Variants in LRRTM3 observed in about 807,000 individuals in gnomAD.
LRRTM3 encodes leucine-rich repeat transmembrane neuronal protein 3.
A neutral mutation model predicts 44.7 loss-of-function variants in LRRTM3; 24 were observed. The ratio of observed to expected loss-of-function variants is 0.54; its 90% CI spans 0.39 to 0.76. The LOEUF is 0.76. LRRTM3 is among the 30% of genes least tolerant of loss of function. The probability of loss-of-function intolerance (pLI) is 0.00; values close to 1 mark genes in which losing one functional copy is unlikely to be tolerated. For synonymous variants in LRRTM3, 277 were observed against 278.7 expected, an observed-to-expected ratio of 0.99 and a Z score of 0.06; for missense variants, 587 against 702.2, an observed-to-expected ratio of 0.84 and a Z score of 1.85.
intron 2 of LRRTM3, among the ~76,000 whole-genome samples, chr10:66,928,682 C>G (rs992887260): frequency 9.9e-5 from 15 of 152,178 alleles, no homozygotes; most frequent in African/African-American, 3.6e-4. Flanking sequence ...CAATGTGAAG[C>G]TTGAACTCCG....
intron 2 of LRRTM3, among the ~76,000 whole-genome samples, chr10:67,007,125 T>C (rs966049127): frequency 6.6e-6 from 1 of 152,178 alleles, no homozygotes; most frequent in Non-Finnish European, 1.5e-5. Flanking sequence ...TATTGCTTAT[T>C]GGTTCTTCAC....
At chr10:66,938,646 C>T (rs1480459618) in intron 2 of LRRTM3, among the ~76,000 whole-genome samples, 1 of 152,012 alleles carries the variant, frequency 6.6e-6, no homozygotes, top group Non-Finnish European at 1.5e-5. Context: ...GCAGCTCAAA[C>T]CCATATTGTC....
rs755949685 is a variant in LRRTM3, at chr10:66,926,064, G to A, written c.-520G>A. On this transcript the variant is annotated 5_prime_UTR_variant, in exon 1 of 3. Transcript: ENST00000361320. ...AGTCCGAGCAGCTTTCAGAATGACA[G>A]TCTGCAGAAGTGAGCTGAGCGTGTG... is the stretch of plus-strand genomic sequence containing the variant. 7 of 457,228 alleles carry A rather than the reference G, an allele frequency of 1.5e-5. No homozygotes were observed. Among genetic ancestry groups the A allele is most frequent in the Admixed American group, 2.3e-5 (1 of 42,588 alleles). The allele number at this position is 457,228 out of a possible 1,614,324, so 28.3% of individuals were successfully genotyped here. A position where few individuals can be genotyped will look rare whatever the true frequency, so the allele number is the denominator to read the frequency against.
intron 2 of LRRTM3, among the ~76,000 whole-genome samples, chr10:66,979,766 A>G (rs1005017991): frequency 3.9e-5 from 6 of 152,214 alleles, no homozygotes; most frequent in African/African-American, 1.4e-4. Context: ...ATCATAATAG[A>G]ACTACAGCTT....
At chr10:66,944,633 T>A (rs568789186) in intron 2 of LRRTM3, among the ~76,000 whole-genome samples, 222 of 152,206 alleles carry the variant, frequency 1.5e-3, no homozygotes, top group Non-Finnish European at 2.4e-3. Context: ...CAAGGCAGCA[T>A]GAGACTTATA....
chr10:67,085,124 C>G (rs1488516426), intron 2 of LRRTM3, among the ~76,000 whole-genome samples: 1 of 151,756 alleles, frequency 6.6e-6, no homozygotes, highest in Non-Finnish European at 1.5e-5. Context: ...GAGTGAAAAG[C>G]AAATAATTAC....
chr10:67,043,135 C>CTTTT (rs34946963), intron 2 of LRRTM3, among the ~76,000 whole-genome samples: 4 of 103,746 alleles, frequency 3.9e-5, no homozygotes, highest in African/African-American at 6.3e-5. Flanking sequence ...CACTTTCTTT[C>CTTTT]TTTTTTTTTT....
At chr10:66,948,194 G>T (rs972041114) in intron 2 of LRRTM3, among the ~76,000 whole-genome samples, 1 of 152,124 alleles carries the variant, frequency 6.6e-6, no homozygotes, top group African/African-American at 2.4e-5. Context: ...GGCTCTTCTC[G>T]AAATTCTCAA....
intron 2 of LRRTM3, among the ~76,000 whole-genome samples, chr10:66,994,826 A>G (rs1182000745): frequency 6.6e-6 from 1 of 152,190 alleles, no homozygotes. Context: ...TCCTTTGAGA[A>G]TTTCTATACA....
At position 66,928,318 on chromosome 10, in the gene LRRTM3, T is replaced by C. The variant is rs199717270; in HGVS notation, c.1402T>C (p.Ser468Pro). 5.4e-5 allele frequency: 87 copies of C among 1,614,012 alleles called. No homozygotes were observed. In the African/African-American group the frequency reaches 1.0e-3, roughly 19 times the overall value. The change falls in exon 2 of 3, where the codon TCC becomes CCC. Residue 468 changes from serine to proline, a missense_variant. Ser to Pro is a moderately conservative substitution (Grantham distance 74). Coordinates refer to ENST00000361320, the MANE Select transcript of LRRTM3 (RefSeq NM_178011.5). ...AAGGCACAGGAAAAAGAAAAGACAG[T>C]CCCTAAAGCAAATGACTCCCAGCAC... Reference protein sequence around the residue: ...MRRHRKKKRQSLKQMTPSTQE... With the variant: ...MRRHRKKKRQPLKQMTPSTQE...
intron 2 of LRRTM3, among the ~76,000 whole-genome samples, chr10:66,998,293 G>GT (rs1296855257): frequency 6.6e-6 from 1 of 152,120 alleles, no homozygotes; most frequent in Non-Finnish European, 1.5e-5. Context: ...ATACACTGTT[G>GT]TTTTAGTACT....
Position 66,928,160 on chromosome 10 carries a change from T to C in LRRTM3, c.1244T>C (p.Ile415Thr), listed in dbSNP as rs769007703. 1 of 1,614,000 alleles carries C rather than the reference T, an allele frequency of 6.2e-7. No individual in the cohort carries two copies. The highest frequency in any genetic ancestry group is 2.2e-5 in the East Asian group (1 of 44,860). ...GPETDADAEH[I>T]SFHKIIAGSV... ...GAGACCGATGCTGACGCCGAGCACA[T>C]CTCTTTCCATAAAATCATCGCGGGC... Residue 415 changes from isoleucine (I) to threonine (T), a missense_variant, in exon 2 of 3, where the codon ATC becomes ACC. Around this residue, in one of 3 missense-constraint regions of LRRTM3, gnomAD observed 315 missense variants for 335.6 expected, o/e 0.94. Transcript: ENST00000361320.
intron 2 of LRRTM3, among the ~76,000 whole-genome samples, chr10:66,999,764 T>C (rs568044319): frequency 1.3e-5 from 2 of 152,340 alleles, no homozygotes; most frequent in African/African-American, 2.4e-5. Flanking sequence ...TATCAATTTA[T>C]CTTAGTTGAA....
At chr10:66,991,611 G>A (rs1851042317) in intron 2 of LRRTM3, among the ~76,000 whole-genome samples, 1 of 152,104 alleles carries the variant, frequency 6.6e-6, no homozygotes, top group Non-Finnish European at 1.5e-5. Flanking sequence ...GAGTGCAATG[G>A]CGTGATCTTG....
chr10:66,995,941 TATTAC>T (rs1851306346), intron 2 of LRRTM3, among the ~76,000 whole-genome samples: 1 of 152,224 alleles, frequency 6.6e-6, no homozygotes, highest in South Asian at 2.1e-4. Context: ...TTCAGTGGTT[TATTAC>T]ATTATTGTAT....
At position 66,926,094 on chromosome 10, in the gene LRRTM3, G is replaced by A. The variant is rs1005258400; in HGVS notation, c.-490G>A. 10 of 457,990 alleles carry A rather than the reference G, an allele frequency of 2.2e-5. No homozygotes were observed. The highest frequency in any genetic ancestry group is 3.9e-5 in the Non-Finnish European group (9 of 227,990). The allele number at this position is 457,990 out of a possible 1,614,324, so 28.4% of individuals were successfully genotyped here. A position where few individuals can be genotyped will look rare whatever the true frequency, so the allele number is the denominator to read the frequency against. On this transcript the variant is annotated 5_prime_UTR_variant, in exon 1 of 3. Coordinates refer to ENST00000361320, the MANE Select transcript of LRRTM3 (RefSeq NM_178011.5). ...CAGAAGTGAGCTGAGCGTGTGCGCG[G>A]TACGGGGCTCTCCTGCCTTCTGGGC...
chr10:67,063,700 A>G (rs1222887932), intron 2 of LRRTM3, among the ~76,000 whole-genome samples: 1 of 152,236 alleles, frequency 6.6e-6, no homozygotes, highest in Non-Finnish European at 1.5e-5. Flanking sequence ...TCACACAGAT[A>G]ATTGGCATGA....
intron 2 of LRRTM3, among the ~76,000 whole-genome samples, chr10:67,073,627 C>T (rs2619653): frequency 0.64 from 97,306 of 151,248 alleles, 32,773 homozygotes; most frequent in African/African-American, 0.86. Flanking sequence ...AGGAAAAAAA[C>T]GAGAGAATCA....
intron 2 of LRRTM3, among the ~76,000 whole-genome samples, chr10:67,022,129 G>GA (rs1320978602): frequency 6.6e-6 from 1 of 151,990 alleles, no homozygotes; most frequent in Non-Finnish European, 1.5e-5. Flanking sequence ...AAAGGAGTGG[G>GA]AAAAAAATAT....
Sources: allele counts gnomAD v4.1 joint callset (sites outside exome capture counted in the v4.1 genomes callset), GRCh38; gene constraint gnomAD v4.1.1; regional missense constraint gnomAD v4.1.1; transcripts MANE v1.5; gene names NCBI Gene and HGNC (gene_info 2026-07-23, HGNC 2026-07-21).